PAK5: variants seen among roughly 807,000 people sequenced by gnomAD.
The protein encoded by PAK5 is serine/threonine-protein kinase PAK 5.
A neutral mutation model predicts 65.9 loss-of-function variants in PAK5; 16 were observed. The ratio of observed to expected loss-of-function variants is 0.24; its 90% CI spans 0.16 to 0.37. The LOEUF (loss-of-function observed/expected upper bound fraction) is 0.37, where lower values mean the gene tolerates loss of function less well. Among genes scored for constraint, PAK5 ranks in the 10% least tolerant of loss-of-function variants. PAK5 has a pLI of 1.00. For synonymous variants in PAK5, 371 were observed against 354.9 expected, an observed-to-expected ratio of 1.05 and a Z score of -0.51; for missense variants, 785 against 903.9, an observed-to-expected ratio of 0.87 and a Z score of 1.69.
chr20:9,746,674 G>T lies in PAK5; in HGVS notation c.-161-35239C>A, dbSNP rs112163095. Reference sequence around the variant, plus strand: ...CCTCAAATCTCATTAATGTGAATGAGAAACTTATTTAATTAATTCAATTTC... The same window carrying T: ...CCTCAAATCTCATTAATGTGAATGATAAACTTATTTAATTAATTCAATTTC... On this transcript the variant is annotated intron_variant, in intron 1 of 9. Transcript: ENST00000353224. Among the ~76,000 whole-genome samples the T allele has an allele frequency of 6.5e-3, 984 of 152,138 alleles. 12 individuals are homozygous for T. The highest frequency in any genetic ancestry group is 0.023 in the African/African-American group (942 of 41,506).
chr20:9,696,742 G>A (rs2047875112), intron 2 of PAK5, among the ~76,000 whole-genome samples: 1 of 152,102 alleles, frequency 6.6e-6, no homozygotes, highest in Non-Finnish European at 1.5e-5. Flanking sequence ...AGCTCTGTAT[G>A]TAGAAAGTGA....
intron 1 of PAK5, among the ~76,000 whole-genome samples, chr20:9,769,407 G>A (rs951056319): frequency 2.0e-5 from 3 of 152,208 alleles, no homozygotes; most frequent in Non-Finnish European, 4.4e-5. Flanking sequence ...AACTACACAG[G>A]TGTCTCTGTG....
intron 1 of PAK5, among the ~76,000 whole-genome samples, chr20:9,717,375 T>G (rs186169058): frequency 6.6e-6 from 1 of 152,212 alleles, no homozygotes; most frequent in Non-Finnish European, 1.5e-5. Flanking sequence ...AAATGGCCTA[T>G]GCAGAGTACC....
At chr20:9,746,325 GCTTTCTTGTCCAGAAACCGCACAGA>G (rs2048507680) in intron 1 of PAK5, among the ~76,000 whole-genome samples, 1 of 152,080 alleles carries the variant, frequency 6.6e-6, no homozygotes, top group African/African-American at 2.4e-5. Flanking sequence ...CCCTGCCCAG[GCTTTCTTGTCCAGAAACCGCACAGA>G]CATTCCTCGA....
intron 1 of PAK5, among the ~76,000 whole-genome samples, chr20:9,766,200 G>A (rs557076751): frequency 1.1e-4 from 16 of 141,288 alleles, no homozygotes; most frequent in Non-Finnish European, 2.4e-4. Context: ...CCAGCCTGGC[G>A]ACAGAGCAAG....
intron 3 of PAK5, among the ~76,000 whole-genome samples, chr20:9,639,913 CTCTT>C (rs749243086): frequency 2.0e-5 from 3 of 152,192 alleles, no homozygotes; most frequent in Admixed American, 6.5e-5. Flanking sequence ...AGATGAAAGC[CTCTT>C]TCTTTGCTCT....
At position 9,690,128 on chromosome 20, in the gene PAK5, T is replaced by A. The variant is rs569757905; in HGVS notation, c.-12+21158A>T. The stretch of plus-strand genomic sequence containing the variant: ...CTTAGGTCAGCTGATAGAAAAACTG[T>A]CAGCCGAACTGTCCCTGGTCAGAAA... On this transcript the variant is annotated intron_variant, in intron 2 of 9. Coordinates refer to ENST00000353224, the MANE Select transcript of PAK5 (RefSeq NM_177990.4). Among the ~76,000 whole-genome samples the A allele has an allele frequency of 6.6e-5, 10 of 152,318 alleles. No homozygotes were observed. The East Asian group carries it at 1.9e-3, about 29-fold the overall frequency.
intron 3 of PAK5, among the ~76,000 whole-genome samples, chr20:9,616,583 G>A (rs977688227): frequency 7.2e-5 from 11 of 152,202 alleles, no homozygotes; most frequent in Non-Finnish European, 1.3e-4. Context: ...CTGGGCTGGG[G>A]ACTGAGATTC....
chr20:9,692,541 A>T (rs1389890925), intron 2 of PAK5, among the ~76,000 whole-genome samples: 3 of 152,168 alleles, frequency 2.0e-5, no homozygotes, highest in Non-Finnish European at 4.4e-5. Flanking sequence ...ACACTAAAGG[A>T]ATTCTAACTC....
intron 1 of PAK5, among the ~76,000 whole-genome samples, chr20:9,748,775 T>C (rs993707898): frequency 6.6e-6 from 1 of 152,184 alleles, no homozygotes; most frequent in African/African-American, 2.4e-5. Context: ...AACATAATTA[T>C]GCACTGTCTA....
At chr20:9,684,039 G>A (rs2047685388) in intron 2 of PAK5, among the ~76,000 whole-genome samples, 1 of 152,210 alleles carries the variant, frequency 6.6e-6, no homozygotes, top group African/African-American at 2.4e-5. Context: ...CCCTGATGGA[G>A]CATGTGGAAG....
chr20:9,571,020 A>T (rs113170154), intron 4 of PAK5, among the ~76,000 whole-genome samples: 1,538 of 152,236 alleles, frequency 0.01, 17 homozygotes, highest in African/African-American at 0.035. Flanking sequence ...AGGCCATGAG[A>T]CAAAAAGGTG....
intron 1 of PAK5, among the ~76,000 whole-genome samples, chr20:9,811,553 T>G (rs1207816695): frequency 1.3e-5 from 2 of 152,206 alleles, no homozygotes; most frequent in East Asian, 1.9e-4. Context: ...CTCTTAAAGG[T>G]TGCATGACTG....
chr20:9,603,272 G>C (rs1323292632), intron 3 of PAK5, among the ~76,000 whole-genome samples: 2 of 152,194 alleles, frequency 1.3e-5, no homozygotes, highest in Non-Finnish European at 2.9e-5. Context: ...TTTCTAGTTG[G>C]GGAGGGAGAA....
intron 1 of PAK5, among the ~76,000 whole-genome samples, chr20:9,744,341 A>C (rs1367663722): frequency 6.6e-6 from 1 of 152,218 alleles, no homozygotes; most frequent in African/African-American, 2.4e-5. Context: ...CCAAGTAAGC[A>C]ATATGGCTTC....
intron 3 of PAK5, among the ~76,000 whole-genome samples, chr20:9,641,782 G>A (rs1358690273): frequency 4.6e-5 from 7 of 152,252 alleles, no homozygotes; most frequent in South Asian, 2.1e-4. Context: ...AGCGCCGGTG[G>A]GCCGGCACTG....
At chr20:9,707,897 A>G (rs966681151) in intron 2 of PAK5, among the ~76,000 whole-genome samples, 1 of 152,186 alleles carries the variant, frequency 6.6e-6, no homozygotes, top group African/African-American at 2.4e-5. Flanking sequence ...AATCAGTAGA[A>G]GTCCCCAACT....
intron 1 of PAK5, among the ~76,000 whole-genome samples, chr20:9,812,181 T>C (rs1200216111): frequency 1.3e-5 from 2 of 151,808 alleles, no homozygotes; most frequent in African/African-American, 4.8e-5. Flanking sequence ...AAGACTATTA[T>C]AAAAATGAAA....
intron 1 of PAK5, among the ~76,000 whole-genome samples, chr20:9,763,627 G>A (rs2048724566): frequency 6.6e-6 from 1 of 152,110 alleles, no homozygotes; most frequent in Non-Finnish European, 1.5e-5. Flanking sequence ...CAATAAGACT[G>A]ATGTTTTAGC....
Sources: gnomAD v4.1 joint callset for allele counts (sites outside exome capture counted in the v4.1 genomes callset) on GRCh38, gnomAD v4.1.1 for gene constraint, MANE v1.5 for transcripts, NCBI Gene and HGNC (gene_info 2026-07-23, HGNC 2026-07-21) for gene names.